Variants in L3MBTL1 observed in about 807,000 individuals in gnomAD.
The protein encoded by L3MBTL1 is L3MBTL histone methyl-lysine binding protein 1.
Under a neutral mutation model 105.3 loss-of-function variants are expected in L3MBTL1, and 75 were observed. The ratio of observed to expected loss-of-function variants is 0.71; its 90% CI spans 0.59 to 0.86. L3MBTL1 has a LOEUF of 0.86. L3MBTL1 is among the 40% of genes least tolerant of loss of function. The pLI, the probability that L3MBTL1 is intolerant of heterozygous loss-of-function variation, is 0.00. For synonymous variants in L3MBTL1, 452 were observed against 436.2 expected (o/e 1.04, Z -0.45); for missense variants, 1,069 against 1,126.4 (o/e 0.95, Z 0.73).
intron 8 of L3MBTL1, chr20:43,529,000 C>T (rs1029237051): frequency 1.7e-6 from 1 of 602,056 alleles, no homozygotes; most frequent in Non-Finnish European, 3.0e-6. Context: ...CTGGTGACTT[C>T]TACTCAATTC....
intron 3 of L3MBTL1, 109 bp from the exon 4 acceptor site, chr20:43,514,526 G>A: frequency 2.6e-6 from 4 of 1,568,508 alleles, no homozygotes; most frequent in Non-Finnish European, 3.5e-6. Flanking sequence ...CTTGAGGCCT[G>A]CTGAGGGCGT....
intron 7 of L3MBTL1, among the ~76,000 whole-genome samples, chr20:43,519,155 G>A (rs559456924): frequency 2.3e-3 from 353 of 151,854 alleles, no homozygotes; most frequent in African/African-American, 7.3e-3. Context: ...CAGGCAACAT[G>A]GTGAAACCCT....
chr20:43,528,869 G>A, intron 8 of L3MBTL1, 124 bp downstream of exon 8: 2 of 772,706 alleles, frequency 2.6e-6, no homozygotes, highest in Admixed American at 2.0e-5. Flanking sequence ...GAATGGAAAG[G>A]GAGAGACTGT....
At position 43,534,311 on chromosome 20, in the gene L3MBTL1, A is replaced by T; in HGVS notation, c.1627A>T (p.Met543Leu). The stretch of plus-strand genomic sequence containing the variant: ...ACCCCCTCACAGCTTCCTGGTCAAT[A>T]TGAAGCTGGAGGCTGTGGACCGCAG... ...VRPPHSFLVNMKLEAVDRRNP... is the reference protein window; with the variant it reads ...VRPPHSFLVNLKLEAVDRRNP... The change falls in exon 15 of 22, where the codon ATG becomes TTG. Residue 543 changes from methionine (M) to leucine (L), a missense_variant. Met to Leu is a conservative substitution (Grantham distance 15, BLOSUM62 2). Transcript: ENST00000418998. The T allele has an allele frequency of 6.2e-7, 1 of 1,613,992 alleles. No homozygotes were observed. Among genetic ancestry groups the T allele is most frequent in the Non-Finnish European group, 8.5e-7 (1 of 1,179,966 alleles).
At chr20:43,530,643 G>C (rs780743610) in intron 10 of L3MBTL1, 155 bp from the exon 11 acceptor site, 1 of 806,228 alleles carries the variant, frequency 1.2e-6, no homozygotes, top group South Asian at 1.6e-5. Context: ...TACTCAAGTC[G>C]TGTCCTGCTT....
At chr20:43,523,769 G>A (rs527548085) in intron 7 of L3MBTL1, among the ~76,000 whole-genome samples, 5 of 152,110 alleles carry the variant, frequency 3.3e-5, no homozygotes, top group South Asian at 4.2e-4. Context: ...CAAGGCGGGC[G>A]AATTGCCTGA....
At chr20:43,508,370 C>T (rs2018042531) in intron 1 of L3MBTL1, among the ~76,000 whole-genome samples, 1 of 152,172 alleles carries the variant, frequency 6.6e-6, no homozygotes, top group African/African-American at 2.4e-5. Context: ...CGCTCAGGGC[C>T]GCTTCCGTCC....
At position 43,530,197 on chromosome 20, in the gene L3MBTL1, C is replaced by T. The variant is rs915572701; in HGVS notation, c.1057-87C>T. 43 of 1,556,240 alleles carry T rather than the reference C, an allele frequency of 2.8e-5. No individual in the cohort carries two copies. The African/African-American group carries it at 5.2e-4, about 19-fold the overall frequency. On this transcript the variant is annotated intron_variant, in intron 9 of 21. Coordinates refer to ENST00000418998, the MANE Select transcript of L3MBTL1 (RefSeq NM_001377303.1). ...CCTGCTAGCATTAGAGCCCCTGAGACCACCAGACTGGGCCAGGAGAGGTGA... is the reference window on the plus strand; with the variant it reads ...CCTGCTAGCATTAGAGCCCCTGAGATCACCAGACTGGGCCAGGAGAGGTGA...
intron 6 of L3MBTL1, 166 bp from the exon 7 acceptor site, chr20:43,515,927 G>A: frequency 1.7e-6 from 1 of 580,804 alleles, no homozygotes; most frequent in African/African-American, 2.4e-5. Context: ...AGTGATAGGG[G>A]GATGTCTGCT....
chr20:43,525,597 T>C (rs962031338), intron 7 of L3MBTL1, among the ~76,000 whole-genome samples: 4 of 152,198 alleles, frequency 2.6e-5, no homozygotes, highest in Non-Finnish European at 5.9e-5. Flanking sequence ...TTTAGGGATA[T>C]GCCTAAGAGC....
rs750189899 is a variant in L3MBTL1 at position 43,530,837 on chromosome 20, G to A, written c.1232G>A (p.Arg411His). ...EEEFSWSQYL[R>H]STRAQAAPKH... ...GAGTTCAGCTGGAGCCAGTACCTGC[G>A]CAGCACAAGAGCTCAGGCTGCCCCC... Residue 411 changes from arginine to histidine, a missense_variant, in exon 11 of 22, where the codon CGC (arginine) becomes CAC (histidine). By Grantham distance (29) the Arg-to-His change is conservative (BLOSUM62 0). Coordinates refer to ENST00000418998, the MANE Select transcript of L3MBTL1 (RefSeq NM_001377303.1). The A allele has an allele frequency of 1.1e-5, 17 of 1,614,068 alleles. No homozygotes were observed. Among genetic ancestry groups the A allele is most frequent in the East Asian group, 4.5e-5 (2 of 44,886 alleles).
intron 7 of L3MBTL1, among the ~76,000 whole-genome samples, chr20:43,524,680 T>A (rs2018925167): frequency 6.6e-6 from 1 of 152,086 alleles, no homozygotes; most frequent in Non-Finnish European, 1.5e-5. Flanking sequence ...TTTATGTAAG[T>A]CTTGTGCTAG....
At chr20:43,517,388 C>T (rs2018456512) in intron 7 of L3MBTL1, among the ~76,000 whole-genome samples, 1 of 152,062 alleles carries the variant, frequency 6.6e-6, no homozygotes, top group African/African-American at 2.4e-5. Context: ...GCCAAGGCAC[C>T]CAGCCTTTTT....
intron 18 of L3MBTL1, chr20:43,548,016 C>G (rs1457239124): frequency 1.4e-6 from 1 of 732,654 alleles, no homozygotes; most frequent in East Asian, 7.0e-5. Context: ...ACTCCCCTCC[C>G]CCATTCCCCA....
chr20:43,531,763 C>G (rs931670971), intron 11 of L3MBTL1: 2 of 152,134 alleles, frequency 1.3e-5, no homozygotes, highest in Admixed American at 1.3e-4. Flanking sequence ...TGCGGTGGCT[C>G]ACACCTGTAA....
intron 19 of L3MBTL1, chr20:43,539,220 T>C (rs1049522287): frequency 6.6e-6 from 1 of 152,372 alleles, no homozygotes; most frequent in African/African-American, 2.4e-5. Context: ...AGGTGCTGCA[T>C]TGATGAGCAT....
downstream of L3MBTL1, among the ~76,000 whole-genome samples, chr20:43,542,196 C>T (rs547289922): frequency 1.2e-4 from 19 of 152,292 alleles, no homozygotes; most frequent in African/African-American, 3.9e-4. Flanking sequence ...GGCAACAGAA[C>T]GAAACTCTGT....
chr20:43,522,388 A>G (rs118129617), intron 7 of L3MBTL1, among the ~76,000 whole-genome samples: 3,104 of 151,878 alleles, frequency 0.02, 59 homozygotes, highest in Non-Finnish European at 0.034. Context: ...TATAATATCA[A>G]TACACAAGAA....
In L3MBTL1 at chr20:43,526,229, G is replaced by A. The variant is rs187839238; in HGVS notation, c.863-2428G>A. On this transcript the variant is annotated intron_variant, in intron 7 of 21. Transcript: ENST00000418998. The stretch of plus-strand genomic sequence containing the variant: ...TAGCTGATGTTACGGTTTGGGAAGA[G>A]TGAGGCAAAAAGAAGAAAGTCATCC... Among the ~76,000 whole-genome samples, 57 of 152,308 alleles carry A rather than the reference G, an allele frequency of 3.7e-4. No individual in the cohort carries two copies. In the Middle Eastern group the frequency reaches 0.01, roughly 27 times the overall value.
Sources: allele counts gnomAD v4.1 joint callset (sites outside exome capture counted in the v4.1 genomes callset), GRCh38; gene constraint gnomAD v4.1.1; transcripts MANE v1.5; gene names NCBI Gene and HGNC (gene_info 2026-07-23, HGNC 2026-07-21).